The following MRI1 variants were observed in gnomAD, a reference collection of about 807,000 sequenced individuals.
MRI1 encodes the protein methylthioribose-1-phosphate isomerase 1.
Under a neutral mutation model 27.3 loss-of-function variants are expected in MRI1, and 32 were observed. That is an observed-to-expected ratio of 1.17 (90% CI 0.88 to 1.57). MRI1 has a LOEUF of 1.57. MRI1 is among the 40% of genes most tolerant of loss of function. The pLI is 0.00. For missense variants in MRI1, 508 were observed against 516.1 expected, an observed-to-expected ratio of 0.98 and a Z score of 0.15; for synonymous variants, 216 against 227.4, an observed-to-expected ratio of 0.95 and a Z score of 0.45.
chr19:13,768,811 G>C lies in MRI1; in HGVS notation c.725-13G>C. 6.3e-7 allele frequency: 1 copy of C among 1,594,812 alleles called. No individual in the cohort carries two copies. On this transcript the variant is annotated splice_polypyrimidine_tract_variant and intron_variant, in intron 4 of 5. Transcript: ENST00000040663. ...GGTAATGACCCCCAACTTCTCATACGCCCCCTCCCCAGCTGTGGTCGTGGG... is the reference window on the plus strand; with the variant it reads ...GGTAATGACCCCCAACTTCTCATACCCCCCCTCCCCAGCTGTGGTCGTGGG...
intron 2 of MRI1, 58 bp from the exon 3 acceptor site, chr19:13,765,896 G>C: frequency 6.5e-7 from 1 of 1,527,108 alleles, no homozygotes; most frequent in Non-Finnish European, 8.8e-7. Context: ...CAGAGAGGAG[G>C]CGTTGGCCTG....
Position 13,764,932 on chromosome 19 carries a change from C to A in MRI1, c.194C>A (p.Ala65Glu). 6.7e-7 allele frequency: 1 copy of A among 1,492,572 alleles called. No individual in the cohort carries two copies. Among genetic ancestry groups the A allele is most frequent in the South Asian group, 1.3e-5 (1 of 79,074 alleles). The allele number at this position is 1,492,572 out of a possible 1,614,324, so 92.5% of individuals were successfully genotyped here. A position where few individuals can be genotyped will look rare whatever the true frequency, so the allele number is the denominator to read the frequency against. ...GCLSLAVELQAGAGGPGLAAL... is the reference protein window; with the variant it reads ...GCLSLAVELQEGAGGPGLAAL... ...CTCAGCCTCGCCGTGGAGCTGCAGG[C>A]GGGCGCCGGGGGACCGGGACTCGCC... Residue 65 changes from alanine to glutamate, a missense_variant, in exon 2 of 6, where the codon GCG becomes GAG. Coordinates refer to ENST00000040663, the MANE Select transcript of MRI1 (RefSeq NM_001031727.4).
intron 3 of MRI1, among the ~76,000 whole-genome samples, chr19:13,767,203 C>T (rs946197801): frequency 6.6e-6 from 1 of 151,182 alleles, no homozygotes; most frequent in African/African-American, 2.4e-5. Flanking sequence ...TGAGCCACTA[C>T]GCCCAGCTAA....
chr19:13,773,412 A>G lies in MRI1; in HGVS notation c.*1131A>G, dbSNP rs543798201. On this transcript the variant is annotated 3_prime_UTR_variant, in exon 6 of 6. Coordinates refer to ENST00000040663, the MANE Select transcript of MRI1 (RefSeq NM_001031727.4). ...TCCAGCACTTTGGGAGGATCCCTTGAGCCCAGGTGTTTGAGACCAGTTTGG... is the reference window on the plus strand; with the variant it reads ...TCCAGCACTTTGGGAGGATCCCTTGGGCCCAGGTGTTTGAGACCAGTTTGG... 1 of 152,172 alleles carries G rather than the reference A, an allele frequency of 6.6e-6. No homozygotes were observed. The highest frequency in any genetic ancestry group is 2.4e-5 in the African/African-American group (1 of 41,552). The allele number at this position is 152,172 out of a possible 1,614,324, so 9.4% of individuals were successfully genotyped here. A position where few individuals can be genotyped will look rare whatever the true frequency, so the allele number is the denominator to read the frequency against.
rs1400648227 is a variant in MRI1, at chr19:13,772,632, T to C, written c.*351T>C. On this transcript the variant is annotated 3_prime_UTR_variant, in exon 6 of 6. Coordinates refer to ENST00000040663, the MANE Select transcript of MRI1 (RefSeq NM_001031727.4). Reference sequence around the variant, plus strand: ...TCACAAGATCAGGAGATTGAGACCATCCTGGCTAACATGGTGAAACCCCAT... The same window carrying C: ...TCACAAGATCAGGAGATTGAGACCACCCTGGCTAACATGGTGAAACCCCAT... 6.2e-6 allele frequency: 1 copy of C among 161,002 alleles called. No homozygotes were observed. Among genetic ancestry groups the C allele is most frequent in the Non-Finnish European group, 1.4e-5 (1 of 73,326 alleles). The allele number at this position is 161,002 out of a possible 1,614,324, so 10.0% of individuals were successfully genotyped here. A position where few individuals can be genotyped will look rare whatever the true frequency, so the allele number is the denominator to read the frequency against.
chr19:13,766,058 G>T lies in MRI1; in HGVS notation c.476G>T (p.Gly159Val). The change falls in exon 3 of 6, where the codon GGT becomes GTT. Residue 159 changes from glycine to valine, a missense_variant. Gly to Val is a moderately radical substitution (Grantham distance 109). Around this residue, in one of 3 missense-constraint regions of MRI1, gnomAD observed 457 missense variants for 452.8 expected, o/e 1.01. Coordinates refer to ENST00000040663, the MANE Select transcript of MRI1 (RefSeq NM_001031727.4). ...RHLLERVAPS[G>V]GKVTVLTHCN... ...CTCCTGGAGCGGGTGGCCCCCAGCG[G>T]TGGCAAGGTGACTGTGCTGACCCAC... 3 of 1,613,074 alleles carry T rather than the reference G, an allele frequency of 1.9e-6. No homozygotes were observed. Among genetic ancestry groups the T allele is most frequent in the Non-Finnish European group, 2.5e-6 (3 of 1,179,822 alleles).
In MRI1 at chr19:13,765,118, A is replaced by T; in HGVS notation, c.371+9A>T. The T allele has an allele frequency of 6.6e-7, 1 of 1,514,236 alleles. No individual in the cohort carries two copies. The highest frequency in any genetic ancestry group is 1.4e-5 in the African/African-American group (1 of 70,890). 93.8% of individuals were successfully genotyped at this position (1,514,236 alleles called of 1,614,324 possible). ...GAGGCGGTCCGGGAGAGGTACGGGG[A>T]TCTGGTACCAGGCACGGCGCTGAGC... On this transcript the variant is annotated intron_variant, in intron 2 of 5. Coordinates refer to ENST00000040663, the MANE Select transcript of MRI1 (RefSeq NM_001031727.4).
chr19:13,772,286 C>T lies in MRI1; in HGVS notation c.*5C>T. 1 of 1,608,612 alleles carries T rather than the reference C, an allele frequency of 6.2e-7. No homozygotes were observed. Among genetic ancestry groups the T allele is most frequent in the Non-Finnish European group, 8.5e-7 (1 of 1,177,822 alleles). On this transcript the variant is annotated 3_prime_UTR_variant, in exon 6 of 6. Coordinates refer to ENST00000040663, the MANE Select transcript of MRI1 (RefSeq NM_001031727.4). ...CTAGATGGACCCCAGATGTAACCAA[C>T]TCAGCTCTCCCTAGCCTGCCTCTCT...
chr19:13,772,365 C>G lies in MRI1; in HGVS notation c.*84C>G. ...TACCCAAAAGCTGACCGTCCAGCCC[C>G]TGACCACACTTGTTCCTAGTGCAGG... is the stretch of plus-strand genomic sequence containing the variant. On this transcript the variant is annotated 3_prime_UTR_variant, in exon 6 of 6. Coordinates refer to ENST00000040663, the MANE Select transcript of MRI1 (RefSeq NM_001031727.4). The G allele has an allele frequency of 7.4e-7, 1 of 1,359,352 alleles. No homozygotes were observed. The highest frequency in any genetic ancestry group is 1.0e-6 in the Non-Finnish European group (1 of 990,188). 84.2% of individuals were successfully genotyped at this position (1,359,352 alleles called of 1,614,324 possible). A position where few individuals can be genotyped will look rare whatever the true frequency, so the allele number is the denominator to read the frequency against.
chr19:13,764,690 C>T lies in MRI1; in HGVS notation c.102C>T (p.His34=). 6.3e-7 allele frequency: 1 copy of T among 1,574,924 alleles called. No individual in the cohort carries two copies. The highest frequency in any genetic ancestry group is 1.1e-5 in the South Asian group (1 of 88,874). The part of the protein sequence containing the change: ...QSRYEAVGSV[H]QAWEAIRAMK... The stretch of plus-strand genomic sequence containing the variant: ...GCTACGAGGCGGTGGGCTCGGTGCA[C>T]CAGGCCTGGGAGGCCATCCGCGCCA... Residue 34 remains histidine (H), a synonymous_variant, in exon 1 of 6, where the codon CAC becomes CAT. Coordinates refer to ENST00000040663, the MANE Select transcript of MRI1 (RefSeq NM_001031727.4).
chr19:13,767,037 ATTTTT>A (rs1161584156), intron 3 of MRI1, among the ~76,000 whole-genome samples: 26 of 21,090 alleles, frequency 1.2e-3, no homozygotes, highest in African/African-American at 3.9e-3. Context: ...ATATATATAT[ATTTTT>A]TTTTTTTTTT....
rs138769139 is a variant in MRI1, at chr19:13,764,588, C to T, written c.-1C>T. 19 of 1,608,392 alleles carry T rather than the reference C, an allele frequency of 1.2e-5. No individual in the cohort carries two copies. The highest frequency in any genetic ancestry group is 1.5e-5 in the Non-Finnish European group (18 of 1,178,706). ...GTTGCGCTGGGCTTGGCTGCTGCAC[C>T]ATGACCCTGGAGGCGATCCGCTACT... On this transcript the variant is annotated 5_prime_UTR_variant, in exon 1 of 6. Coordinates refer to ENST00000040663, the MANE Select transcript of MRI1 (RefSeq NM_001031727.4).
rs368981227 is a variant in MRI1, at chr19:13,764,634, C to T, written c.46C>T (p.Leu16=). Residue 16 remains leucine, a synonymous_variant, in exon 1 of 6, where the codon CTA becomes TTA. Transcript: ENST00000040663. ...CTACTCGCGGGGCTCCCTGCAGATC[C>T]TAGACCAGCTGCTGCTGCCCAAGCA... ...IRYSRGSLQI[L]DQLLLPKQSR... 3.4e-5 allele frequency: 55 copies of T among 1,608,634 alleles called. No homozygotes were observed. Among genetic ancestry groups the T allele is most frequent in the Non-Finnish European group, 4.4e-5 (52 of 1,179,114 alleles).
intron 2 of MRI1, 103 bp downstream of exon 2, chr19:13,765,212 C>T (rs1974095910): frequency 5.1e-6 from 5 of 980,460 alleles, no homozygotes; most frequent in Non-Finnish European, 5.6e-6. Flanking sequence ...GGCACGGCGA[C>T]CTTAAGTCCC....
chr19:13,765,258 C>T (rs542199985), intron 2 of MRI1, 149 bp downstream of exon 2: 4 of 609,644 alleles, frequency 6.6e-6, no homozygotes, highest in Admixed American at 4.1e-5. Context: ...GACTGAGGCA[C>T]GGCGACCTTA....
Position 13,766,096 on chromosome 19 carries a change from G to A in MRI1, c.514G>A (p.Ala172Thr). 1 of 1,605,414 alleles carries A rather than the reference G, an allele frequency of 6.2e-7. No homozygotes were observed. Among genetic ancestry groups the A allele is most frequent in the Middle Eastern group, 1.7e-4 (1 of 6,024 alleles). The change falls in exon 3 of 6, where the codon GCT (alanine) becomes ACT (threonine). Residue 172 changes from alanine to threonine, a missense_variant. Physicochemically the swap from Ala to Thr is moderately conservative, Grantham distance 58. Coordinates refer to ENST00000040663, the MANE Select transcript of MRI1 (RefSeq NM_001031727.4). ...TGTGCTGACCCACTGTAACACTGGTGCTCTGGCCACCGCTGGCTATGGTAC... is the reference window on the plus strand; with the variant it reads ...TGTGCTGACCCACTGTAACACTGGTACTCTGGCCACCGCTGGCTATGGTAC... ...VTVLTHCNTG[A>T]LATAGYGTAL...
At chr19:13,770,416 C>T (rs1974245513) in intron 5 of MRI1, among the ~76,000 whole-genome samples, 1 of 152,016 alleles carries the variant, frequency 6.6e-6, no homozygotes, top group African/African-American at 2.4e-5. Flanking sequence ...GAAACCACGT[C>T]TCTACTAAAA....
intron 3 of MRI1, chr19:13,768,247 T>G: frequency 2.8e-6 from 2 of 707,622 alleles, no homozygotes; most frequent in Non-Finnish European, 5.1e-6. Flanking sequence ...ACATGAGGTG[T>G]TAGAAGGTGA....
In MRI1 at chr19:13,773,513, C is replaced by G; in HGVS notation, c.*1232C>G. 6.5e-6 allele frequency: 1 copy of G among 152,962 alleles called. No individual in the cohort carries two copies. Among genetic ancestry groups the G allele is most frequent in the Middle Eastern group, 9.9e-4 (1 of 1,006 alleles). The allele number at this position is 152,962 out of a possible 1,614,324, so 9.5% of individuals were successfully genotyped here. ...CTGGGCATGGAACTCACACCTCTAG[C>G]CCCAGCTACTCAGGCTGAAGTGGGA... On this transcript the variant is annotated 3_prime_UTR_variant, in exon 6 of 6. Coordinates refer to ENST00000040663, the MANE Select transcript of MRI1 (RefSeq NM_001031727.4).
Sources: allele counts gnomAD v4.1 joint callset (sites outside exome capture counted in the v4.1 genomes callset), GRCh38; gene constraint gnomAD v4.1.1; regional missense constraint gnomAD v4.1.1; transcripts MANE v1.5; gene names NCBI Gene and HGNC (gene_info 2026-07-23, HGNC 2026-07-21).